The following MAN1A1 variants were observed in gnomAD, a reference collection of about 807,000 sequenced individuals.
MAN1A1 encodes mannosyl-oligosaccharide 1,2-alpha-mannosidase IA.
A neutral mutation model predicts 70.8 loss-of-function variants in MAN1A1; 29 were observed. That is an observed-to-expected ratio of 0.41 (90% CI 0.31 to 0.56). MAN1A1 has a LOEUF of 0.56. Ranked by LOEUF, MAN1A1 falls within the 20% of genes least tolerant of loss-of-function variation. The probability of loss-of-function intolerance (pLI) is 0.29; values close to 1 mark genes in which losing one functional copy is unlikely to be tolerated. For missense variants in MAN1A1, 747 were observed against 841.3 expected (o/e 0.89, Z 1.39); for synonymous variants, 349 against 330.1 (o/e 1.06, Z -0.62).
At chr6:119,180,453 A>T (rs6569054) in intron 11 of MAN1A1, 26 bp from the exon 12 acceptor site, 285,490 of 1,227,114 alleles carry the variant, frequency 0.23, 36,458 homozygotes, top group African/African-American at 0.49. Flanking sequence ...GGAAAAAAAA[A>T]AGTCACATTT....
intron 5 of MAN1A1, among the ~76,000 whole-genome samples, chr6:119,274,451 C>T (rs73769021): frequency 6.6e-6 from 1 of 152,204 alleles, no homozygotes; most frequent in African/African-American, 2.4e-5. Context: ...TATTGGTAAG[C>T]CTTCAAAATT....
intron 6 of MAN1A1, among the ~76,000 whole-genome samples, chr6:119,222,675 C>T (rs1774396796): frequency 6.6e-6 from 1 of 152,170 alleles, no homozygotes; most frequent in Non-Finnish European, 1.5e-5. Context: ...ATCTTGATTT[C>T]ATTTTCACAT....
chr6:119,248,861 C>T (rs879427663), intron 5 of MAN1A1, among the ~76,000 whole-genome samples: 3 of 152,132 alleles, frequency 2.0e-5, no homozygotes, highest in Non-Finnish European at 4.4e-5. Context: ...GTCTCCTCAG[C>T]CCTTGCAGCT....
At chr6:119,264,761 T>C (rs1358576141) in intron 5 of MAN1A1, among the ~76,000 whole-genome samples, 1 of 152,202 alleles carries the variant, frequency 6.6e-6, no homozygotes, top group African/African-American at 2.4e-5. Context: ...ATTACTGTTT[T>C]CTCTTTTCAT....
intron 4 of MAN1A1, among the ~76,000 whole-genome samples, chr6:119,292,972 A>G (rs1277618428): frequency 7.4e-6 from 1 of 135,528 alleles, no homozygotes; most frequent in Non-Finnish European, 1.7e-5. Context: ...ATATCTAATA[A>G]TAAAATCTAA....
At chr6:119,193,054 G>A (rs1233542050) in intron 9 of MAN1A1, among the ~76,000 whole-genome samples, 1 of 152,070 alleles carries the variant, frequency 6.6e-6, no homozygotes, top group Non-Finnish European at 1.5e-5. Context: ...TGAGTTAAAA[G>A]GAACAGGTGC....
At chr6:119,217,397 T>C (rs1284350498) in intron 6 of MAN1A1, among the ~76,000 whole-genome samples, 1 of 152,152 alleles carries the variant, frequency 6.6e-6, no homozygotes, top group Non-Finnish European at 1.5e-5. Context: ...TTCCCCTGCC[T>C]CAGCCTCCTG....
intron 4 of MAN1A1, among the ~76,000 whole-genome samples, chr6:119,297,270 C>G (rs1279643650): frequency 6.6e-6 from 1 of 152,186 alleles, no homozygotes; most frequent in East Asian, 1.9e-4. Context: ...ACTATATAAA[C>G]AGATGACACA....
Position 119,193,787 on chromosome 6 carries a change from T to A in MAN1A1, c.1316A>T (p.Asp439Val). 1 of 1,612,370 alleles carries A rather than the reference T, an allele frequency of 6.2e-7. No individual in the cohort carries two copies. Among genetic ancestry groups the A allele is most frequent in the South Asian group, 1.1e-5 (1 of 90,950 alleles). Residue 439 changes from aspartate to valine, a missense_variant, in exon 9 of 13, where the codon GAT becomes GTT. Transcript: ENST00000368468. ...TDLEAKKMYF[D>V]AVQAIETHLI... is the part of the protein sequence containing the mutation. ...TAAATATTGGGTTACCTGAACAGCA[T>A]CAAAATACATCTTCTTAGCTTCCAG...
intron 2 of MAN1A1, among the ~76,000 whole-genome samples, chr6:119,310,804 C>T (rs1772680330): frequency 6.6e-6 from 1 of 152,148 alleles, no homozygotes; most frequent in African/African-American, 2.4e-5. Flanking sequence ...GATGGTTCCC[C>T]AGTGGAACTG....
intron 4 of MAN1A1, among the ~76,000 whole-genome samples, chr6:119,299,880 CCT>C (rs1772338718): frequency 6.6e-6 from 1 of 152,144 alleles, no homozygotes; most frequent in Non-Finnish European, 1.5e-5. Flanking sequence ...TGCTCCTCAT[CCT>C]CCACCAACCC....
rs3798635 is a variant in MAN1A1, at chr6:119,314,711, G to C, written c.604-7719C>G. On this transcript the variant is annotated intron_variant, in intron 2 of 12. Coordinates refer to ENST00000368468, the MANE Select transcript of MAN1A1 (RefSeq NM_005907.4). ...TCTATCTGGGGTCTGAGAAGCTGTG[G>C]CCAGGCCTGGCACCAAAATGACACA... Among the ~76,000 whole-genome samples the C allele has an allele frequency of 5.9e-3, 893 of 152,174 alleles. 30 individuals are homozygous for C. In the East Asian group the frequency reaches 0.09, roughly 15 times the overall value.
intron 8 of MAN1A1, among the ~76,000 whole-genome samples, chr6:119,200,052 A>G (rs1773675072): frequency 6.6e-6 from 1 of 152,206 alleles, no homozygotes; most frequent in Admixed American, 6.5e-5. Context: ...AACACATTAG[A>G]AAAGGCAGAA....
At chr6:119,281,926 G>T (rs1776234828) in intron 5 of MAN1A1, among the ~76,000 whole-genome samples, 1 of 151,924 alleles carries the variant, frequency 6.6e-6, no homozygotes, top group South Asian at 2.1e-4. Context: ...GCCGGGCATG[G>T]TGGCGGGAGT....
intron 3 of MAN1A1, among the ~76,000 whole-genome samples, chr6:119,303,775 C>T (rs1482595966): frequency 6.6e-6 from 1 of 152,160 alleles, no homozygotes; most frequent in African/African-American, 2.4e-5. Flanking sequence ...GATACAGCCA[C>T]CAGAACAAGA....
At chr6:119,254,801 T>G (rs548653740) in intron 5 of MAN1A1, among the ~76,000 whole-genome samples, 1 of 152,186 alleles carries the variant, frequency 6.6e-6, no homozygotes, top group South Asian at 2.1e-4. Flanking sequence ...ACAATGTAAC[T>G]TGCTGAAAGA....
intron 5 of MAN1A1, among the ~76,000 whole-genome samples, chr6:119,257,433 G>A (rs954154842): frequency 5.3e-5 from 8 of 152,084 alleles, no homozygotes; most frequent in African/African-American, 1.9e-4. Context: ...TGAGAAATAG[G>A]GCAGGAAGAA....
intron 6 of MAN1A1, among the ~76,000 whole-genome samples, chr6:119,236,071 G>A (rs1480612819): frequency 2.0e-5 from 3 of 151,420 alleles, no homozygotes; most frequent in African/African-American, 7.3e-5. Flanking sequence ...CCAGGGAGGT[G>A]GAGCAGTAAG....
chr6:119,213,994 T>C (rs1208435854), intron 6 of MAN1A1, among the ~76,000 whole-genome samples: 4 of 152,328 alleles, frequency 2.6e-5, no homozygotes, highest in Non-Finnish European at 5.9e-5. Flanking sequence ...AGATGGATTC[T>C]TGCTCTGTCA....
Sources: allele counts gnomAD v4.1 joint callset (sites outside exome capture counted in the v4.1 genomes callset), GRCh38; gene constraint gnomAD v4.1.1; transcripts MANE v1.5; gene names NCBI Gene and HGNC (gene_info 2026-07-23, HGNC 2026-07-21).